EEA1: variants seen among roughly 807,000 people sequenced by gnomAD.
EEA1 encodes early endosome antigen 1, 162kD.
In EEA1, 111 loss-of-function variants were observed where a neutral mutation model predicts 209.2. That is an observed-to-expected ratio of 0.53 (90% CI 0.45 to 0.62). The LOEUF (loss-of-function observed/expected upper bound fraction) is 0.62. EEA1 is among the 20% of genes least tolerant of loss of function. EEA1 has a pLI of 0.00. For missense variants in EEA1, 1,343 were observed against 1,530.8 expected (o/e 0.88, Z 2.05); for synonymous variants, 536 against 540.6 (o/e 0.99, Z 0.12).
At chr12:92,895,732 C>T (rs1212631708) in intron 1 of EEA1, among the ~76,000 whole-genome samples, 1 of 152,110 alleles carries the variant, frequency 6.6e-6, no homozygotes, top group Non-Finnish European at 1.5e-5. Flanking sequence ...ATAGTGACTC[C>T]TCTGACAGAT....
chr12:92,814,161 T>C (rs769462309), intron 15 of EEA1, among the ~76,000 whole-genome samples: 1 of 152,154 alleles, frequency 6.6e-6, no homozygotes, highest in Non-Finnish European at 1.5e-5. Flanking sequence ...ATAAGAAATC[T>C]AAGATTTACA....
chr12:92,858,836 T>C, intron 3 of EEA1: 1 of 753,268 alleles, frequency 1.3e-6, no homozygotes, highest in Non-Finnish European at 2.4e-6. Context: ...GGCAGACTTG[T>C]TATTGGTGTG....
At chr12:92,887,565 G>A (rs900791932) in intron 2 of EEA1, among the ~76,000 whole-genome samples, 54 of 152,086 alleles carry the variant, frequency 3.6e-4, no homozygotes, top group African/African-American at 1.3e-3. Flanking sequence ...GTCAGATTGG[G>A]AGAATTGCTT....
chr12:92,885,844 C>T (rs532463190), intron 2 of EEA1, among the ~76,000 whole-genome samples: 18 of 152,226 alleles, frequency 1.2e-4, no homozygotes, highest in African/African-American at 3.9e-4. Context: ...GTTCAAGTGT[C>T]GGCTGTAATA....
At chr12:92,915,389 G>T (rs997749788) in intron 1 of EEA1, among the ~76,000 whole-genome samples, 23 of 152,154 alleles carry the variant, frequency 1.5e-4, no homozygotes, top group African/African-American at 5.5e-4. Context: ...GACTGCTTAA[G>T]CCTGGAAAGG....
rs143094139 is a variant in EEA1 at position 92,838,217 on chromosome 12, C to T, written c.915+4248G>A. Among the ~76,000 whole-genome samples, 898 of 152,298 alleles carry T rather than the reference C, an allele frequency of 5.9e-3. 8 individuals are homozygous for T. Among genetic ancestry groups the T allele is most frequent in the African/African-American group, 0.021 (858 of 41,562 alleles). ...CCACAGGACTTCTTTCAATAATGTGCACGTGTGAATATACATACACACAAC... is the reference window on the plus strand; with the variant it reads ...CCACAGGACTTCTTTCAATAATGTGTACGTGTGAATATACATACACACAAC... On this transcript the variant is annotated intron_variant, in intron 10 of 28. Transcript: ENST00000322349.
chr12:92,837,140 AAAC>A (rs1467731930), intron 10 of EEA1, among the ~76,000 whole-genome samples: 1 of 150,946 alleles, frequency 6.6e-6, no homozygotes, highest in Non-Finnish European at 1.5e-5. Context: ...AAAAAAAAAA[AAAC>A]CAACAACAAC....
At chr12:92,832,277 C>A (rs1468915169) in intron 11 of EEA1, among the ~76,000 whole-genome samples, 2 of 151,938 alleles carry the variant, frequency 1.3e-5, no homozygotes, top group African/African-American at 4.8e-5. Context: ...TTTATAGTAT[C>A]AATTCATAAA....
chr12:92,929,111 T>C lies in EEA1; in HGVS notation c.-45A>G, dbSNP rs373459986. ...GCCGCCGCGGTGACTCTCCAGACCC[T>C]GCGCGGGGCCACTCACTACTCGGGG... On this transcript the variant is annotated 5_prime_UTR_variant, in exon 1 of 29. Coordinates refer to ENST00000322349, the MANE Select transcript of EEA1 (RefSeq NM_003566.4). 8.0e-4 allele frequency: 1,222 copies of C among 1,520,790 alleles called. 3 individuals are homozygous for C. Among genetic ancestry groups the C allele is most frequent in the Non-Finnish European group, 1.0e-3 (1,159 of 1,127,838 alleles). The allele number at this position is 1,520,790 out of a possible 1,614,324, so 94.2% of individuals were successfully genotyped here. A position where few individuals can be genotyped will look rare whatever the true frequency, so the allele number is the denominator to read the frequency against.
At chr12:92,916,381 G>T (rs906263815) in intron 1 of EEA1, among the ~76,000 whole-genome samples, 6 of 151,776 alleles carry the variant, frequency 4.0e-5, no homozygotes, top group South Asian at 4.1e-4. Context: ...TGGGCCGGGC[G>T]CGGTGGCTCA....
At chr12:92,855,236 T>C (rs1391860310) in intron 5 of EEA1, among the ~76,000 whole-genome samples, 1 of 152,204 alleles carries the variant, frequency 6.6e-6, no homozygotes, top group African/African-American at 2.4e-5. Flanking sequence ...GAGACCATCC[T>C]GGCTAATATG....
At chr12:92,845,637 C>T (rs1185562048) in intron 9 of EEA1, among the ~76,000 whole-genome samples, 1 of 152,166 alleles carries the variant, frequency 6.6e-6, no homozygotes, top group Non-Finnish European at 1.5e-5. Context: ...TAAAACTGTT[C>T]TAAAGTATTC....
At chr12:92,894,860 C>T (rs1382356727) in intron 1 of EEA1, among the ~76,000 whole-genome samples, 1 of 152,124 alleles carries the variant, frequency 6.6e-6, no homozygotes, top group African/African-American at 2.4e-5. Context: ...AAAAAAACAG[C>T]CTTCTATTGG....
intron 1 of EEA1, among the ~76,000 whole-genome samples, chr12:92,917,573 C>G (rs1592778021): frequency 1.3e-5 from 2 of 151,748 alleles, no homozygotes; most frequent in South Asian, 2.1e-4. Flanking sequence ...CAGACCTGCC[C>G]TAAAAGAGCT....
chr12:92,827,608 T>C (rs1387987550), intron 12 of EEA1, among the ~76,000 whole-genome samples: 4 of 152,150 alleles, frequency 2.6e-5, no homozygotes, highest in Non-Finnish European at 4.4e-5. Flanking sequence ...TAGTTTACTG[T>C]TTCATTAGGA....
chr12:92,884,598 C>G, intron 2 of EEA1: 3 of 1,453,874 alleles, frequency 2.1e-6, no homozygotes, highest in Non-Finnish European at 2.9e-6. Flanking sequence ...GGCAGAAGCC[C>G]TGGCCCCTAT....
intron 2 of EEA1, among the ~76,000 whole-genome samples, chr12:92,881,824 T>C (rs1391703014): frequency 6.6e-6 from 1 of 152,212 alleles, no homozygotes; most frequent in Non-Finnish European, 1.5e-5. Context: ...TATTACATTA[T>C]GTATTACATA....
intron 3 of EEA1, among the ~76,000 whole-genome samples, chr12:92,859,942 G>C (rs138654085): frequency 6.6e-6 from 1 of 152,060 alleles, no homozygotes; most frequent in Non-Finnish European, 1.5e-5. Flanking sequence ...TGTATGTAAC[G>C]CAAGTTCCCA....
At chr12:92,801,729 TA>T in intron 19 of EEA1, 28 bp from the exon 20 acceptor site, 5 of 1,427,218 alleles carry the variant, frequency 3.5e-6, no homozygotes, top group South Asian at 2.8e-5. Context: ...CTATATTACA[TA>T]AAAAATATTT....
Sources: gnomAD v4.1 joint callset for allele counts (sites outside exome capture counted in the v4.1 genomes callset) on GRCh38, gnomAD v4.1.1 for gene constraint, MANE v1.5 for transcripts, NCBI Gene and HGNC (gene_info 2026-07-23, HGNC 2026-07-21) for gene names.